Variants in AUTS2 observed in about 807,000 individuals in gnomAD.
AUTS2 encodes autism susceptibility gene 2 protein.
In AUTS2, 17 loss-of-function variants were observed where a neutral mutation model predicts 112.4. The ratio of observed to expected loss-of-function variants is 0.15; its 90% CI spans 0.10 to 0.23. AUTS2 has a LOEUF of 0.23. AUTS2 is among the 10% of genes least tolerant of loss of function. The pLI is 1.00. For synonymous variants in AUTS2, 751 were observed against 702.7 expected (o/e 1.07, Z -1.09); for missense variants, 1,510 against 1,701.6 (o/e 0.89, Z 1.98).
chr7:69,984,731 G>A (rs1264499942), intron 2 of AUTS2, among the ~76,000 whole-genome samples: 1 of 152,168 alleles, frequency 6.6e-6, no homozygotes, highest in Non-Finnish European at 1.5e-5. Context: ...ATAGTTGGTA[G>A]CAAATTCCCT....
At chr7:70,179,078 G>A (rs1402166364) in intron 4 of AUTS2, among the ~76,000 whole-genome samples, 2 of 152,118 alleles carry the variant, frequency 1.3e-5, no homozygotes, top group African/African-American at 4.8e-5. Flanking sequence ...AGAGTCAGTT[G>A]GAATGCAAGT....
intron 2 of AUTS2, among the ~76,000 whole-genome samples, chr7:69,949,746 T>C (rs1796955100): frequency 6.6e-6 from 1 of 152,326 alleles, no homozygotes; most frequent in South Asian, 2.1e-4. Context: ...AATGTTTCTG[T>C]AGCACCTGGT....
intron 2 of AUTS2, among the ~76,000 whole-genome samples, chr7:70,084,037 A>C (rs192197142): frequency 1.3e-5 from 2 of 151,964 alleles, no homozygotes; most frequent in East Asian, 3.9e-4. Flanking sequence ...TTCCATCTCC[A>C]CCCCAGCTTA....
chr7:70,269,209 A>G (rs1189966560), intron 4 of AUTS2, among the ~76,000 whole-genome samples: 1 of 152,142 alleles, frequency 6.6e-6, no homozygotes, highest in Non-Finnish European at 1.5e-5. Flanking sequence ...TTCTCCTCAC[A>G]GCAGGTAGGA....
intron 5 of AUTS2, among the ~76,000 whole-genome samples, chr7:70,660,845 T>C (rs1807034178): frequency 6.6e-6 from 1 of 152,180 alleles, no homozygotes; most frequent in Non-Finnish European, 1.5e-5. Context: ...TTGTTGTCCT[T>C]CCATGAGGGA....
chr7:70,608,697 A>G (rs1332213228), intron 5 of AUTS2, among the ~76,000 whole-genome samples: 1 of 152,196 alleles, frequency 6.6e-6, no homozygotes, highest in Non-Finnish European at 1.5e-5. Flanking sequence ...CATGGGTCCC[A>G]GTGATGATAT....
At chr7:70,758,490 G>T (rs1248168073) in intron 6 of AUTS2, among the ~76,000 whole-genome samples, 1 of 152,108 alleles carries the variant, frequency 6.6e-6, no homozygotes, top group African/African-American at 2.4e-5. Flanking sequence ...CTTAAAGTTT[G>T]TTTATTGAGG....
intron 2 of AUTS2, among the ~76,000 whole-genome samples, chr7:69,923,819 A>T (rs1012017324): frequency 5.9e-5 from 9 of 152,260 alleles, no homozygotes; most frequent in African/African-American, 2.2e-4. Flanking sequence ...TGCTAAACTC[A>T]CTTATTAGTT....
intron 2 of AUTS2, among the ~76,000 whole-genome samples, chr7:70,050,355 CAA>C (rs60714093): frequency 1.4e-5 from 1 of 72,862 alleles, no homozygotes. Context: ...GACTCTGTCT[CAA>C]AAAAAAAAAA....
intron 15 of AUTS2, 98 bp downstream of exon 15, chr7:70,781,854 A>C: frequency 6.8e-7 from 1 of 1,478,644 alleles, no homozygotes; most frequent in South Asian, 1.3e-5. Context: ...CTCAGTCACC[A>C]CCTACAAAAA....
intron 4 of AUTS2, among the ~76,000 whole-genome samples, chr7:70,405,877 T>C (rs1451258501): frequency 6.6e-6 from 1 of 152,204 alleles, no homozygotes; most frequent in Non-Finnish European, 1.5e-5. Context: ...GGGATGCTTT[T>C]ATGAGGTTGC....
At chr7:70,674,299 C>T (rs1490559289) in intron 5 of AUTS2, among the ~76,000 whole-genome samples, 1 of 152,116 alleles carries the variant, frequency 6.6e-6, no homozygotes, top group African/African-American at 2.4e-5. Context: ...AAAATTCTTC[C>T]TAGGGATGAT....
chr7:69,781,863 G>A (rs1479910971), intron 1 of AUTS2, among the ~76,000 whole-genome samples: 1 of 152,176 alleles, frequency 6.6e-6, no homozygotes, highest in Non-Finnish European at 1.5e-5. Flanking sequence ...GTGCCTTTGG[G>A]TCATTCATTC....
intron 5 of AUTS2, among the ~76,000 whole-genome samples, chr7:70,518,379 A>C (rs1483976368): frequency 6.6e-6 from 1 of 152,076 alleles, no homozygotes; most frequent in Non-Finnish European, 1.5e-5. Context: ...AAGAATGAAC[A>C]CTAGAAAAAC....
At chr7:70,553,790 G>A (rs1244300443) in intron 5 of AUTS2, among the ~76,000 whole-genome samples, 6 of 125,518 alleles carry the variant, frequency 4.8e-5, no homozygotes, top group African/African-American at 9.7e-5. Context: ...TTTTTGAGAC[G>A]GAGTCTTGCT....
At chr7:69,823,808 C>T (rs987269252) in intron 1 of AUTS2, among the ~76,000 whole-genome samples, 7 of 151,904 alleles carry the variant, frequency 4.6e-5, no homozygotes, top group African/African-American at 1.7e-4. Context: ...AACTCAGTTA[C>T]CCAGGGAAAA....
chr7:69,693,414 CATG>C (rs1261155429), intron 1 of AUTS2, among the ~76,000 whole-genome samples: 1 of 152,210 alleles, frequency 6.6e-6, no homozygotes, highest in Non-Finnish European at 1.5e-5. Flanking sequence ...ATTCTGGAAA[CATG>C]ATAATTTTTT....
chr7:70,160,746 T>G (rs1477922697), intron 4 of AUTS2, among the ~76,000 whole-genome samples: 2 of 152,218 alleles, frequency 1.3e-5, no homozygotes, highest in African/African-American at 4.8e-5. Context: ...CACTGGTGAA[T>G]TGAAGAATAA....
At chr7:69,730,785 C>A (rs978190874) in intron 1 of AUTS2, among the ~76,000 whole-genome samples, 2 of 152,174 alleles carry the variant, frequency 1.3e-5, no homozygotes, top group African/African-American at 4.8e-5. Flanking sequence ...AGCTAGAGAC[C>A]ACATGGGATC....
Sources: gnomAD v4.1 joint callset for allele counts (sites outside exome capture counted in the v4.1 genomes callset) on GRCh38, gnomAD v4.1.1 for gene constraint, MANE v1.5 for transcripts, NCBI Gene and HGNC (gene_info 2026-07-23, HGNC 2026-07-21) for gene names.